Variants in RRBP1 observed in about 807,000 individuals in gnomAD.
RRBP1 encodes the protein ribosome-binding protein 1.
In RRBP1, 94 loss-of-function variants were observed where a neutral mutation model predicts 165.2. That is an observed-to-expected ratio of 0.57 (90% CI 0.48 to 0.68). RRBP1 has a LOEUF of 0.68. Among genes scored for constraint, RRBP1 ranks in the 30% least tolerant of loss-of-function variants. The probability of loss-of-function intolerance (pLI) is 0.00; values close to 1 mark genes in which losing one functional copy is unlikely to be tolerated. For synonymous variants in RRBP1, 680 were observed against 714.5 expected (o/e 0.95, Z 0.77); for missense variants, 1,676 against 1,763.0 (o/e 0.95, Z 0.88).
At chr20:17,674,277 G>A (rs1233898834) in intron 2 of RRBP1, among the ~76,000 whole-genome samples, 1 of 152,146 alleles carries the variant, frequency 6.6e-6, no homozygotes, top group African/African-American at 2.4e-5. Context: ...GGGGCTGGAC[G>A]TAGTATTGCC....
At chr20:17,617,700 G>C (rs1040498366) in intron 20 of RRBP1, among the ~76,000 whole-genome samples, 5 of 152,248 alleles carry the variant, frequency 3.3e-5, no homozygotes, top group African/African-American at 4.8e-5. Context: ...CTGCCCTCTG[G>C]TGTTCTGGTC....
At chr20:17,632,394 C>T (rs2036167420) in intron 8 of RRBP1, among the ~76,000 whole-genome samples, 2 of 152,190 alleles carry the variant, frequency 1.3e-5, no homozygotes, top group Admixed American at 1.3e-4. Context: ...CTTTAAAACA[C>T]AATCATGGGC....
intron 1 of RRBP1, among the ~76,000 whole-genome samples, chr20:17,681,344 G>A (rs1488410728): frequency 5.4e-5 from 8 of 148,108 alleles, no homozygotes; most frequent in Non-Finnish European, 1.2e-4. Flanking sequence ...CCGGGAAGTT[G>A]CCACCGCGGC....
intron 2 of RRBP1, among the ~76,000 whole-genome samples, chr20:17,662,217 C>A (rs768596500): frequency 3.3e-5 from 5 of 151,404 alleles, no homozygotes; most frequent in Non-Finnish European, 7.4e-5. Flanking sequence ...GAGCCAAGAT[C>A]GCGCCACTGC....
Position 17,616,729 on chromosome 20 carries a change from A to C in RRBP1, c.3867+3T>G. 1 of 1,602,662 alleles carries C rather than the reference A, an allele frequency of 6.2e-7. No homozygotes were observed. Among genetic ancestry groups the C allele is most frequent in the South Asian group, 1.1e-5 (1 of 90,622 alleles). ...TGTCTGGGGACCAGCTCACCGCCCT[A>C]ACCTGAACGGGGTCCTGCTCGGCTG... On this transcript the variant is annotated splice_donor_region_variant and intron_variant, in intron 21 of 24. Transcript: ENST00000377813.
intron 13 of RRBP1, among the ~76,000 whole-genome samples, chr20:17,622,654 A>G (rs148162450): frequency 1.3e-5 from 2 of 152,166 alleles, no homozygotes; most frequent in East Asian, 3.9e-4. Context: ...CACAACAAAG[A>G]TAAGGAAACA....
chr20:17,649,364 A>G (rs2122398058), intron 3 of RRBP1, among the ~76,000 whole-genome samples: 1 of 152,364 alleles, frequency 6.6e-6, no homozygotes, highest in Non-Finnish European at 1.5e-5. Context: ...GGTCATGTGC[A>G]TGACTTCTGG....
At position 17,659,664 on chromosome 20, in the gene RRBP1, C is replaced by T. The variant is rs765768545; in HGVS notation, c.844G>A (p.Val282Met). ...VDTTPNQGKKVEGAPTQGRKA... is the reference protein window; with the variant it reads ...VDTTPNQGKKMEGAPTQGRKA... The stretch of plus-strand genomic sequence containing the variant: ...CTGCCCTGGGTTGGGGCCCCCTCCA[C>T]CTTTTTCCCCTGGTTTGGGGTTGTA... The change falls in exon 3 of 25, where the codon GTG becomes ATG. Residue 282 changes from valine to methionine, a missense_variant. Coordinates refer to ENST00000377813, the MANE Select transcript of RRBP1 (RefSeq NM_001365613.2). 1.9e-6 allele frequency: 3 copies of T among 1,550,504 alleles called. No individual in the cohort carries two copies. Among genetic ancestry groups the T allele is most frequent in the South Asian group, 1.2e-5 (1 of 84,056 alleles).
chr20:17,621,538 A>T lies in RRBP1; in HGVS notation c.3334T>A (p.Ser1112Thr). The change falls in exon 16 of 25, where the codon TCC becomes ACC. Residue 1112 changes from serine (S) to threonine (T), a missense_variant. Transcript: ENST00000377813. ...GTCTCCTCGGCCTCCCTCAACTTGG[A>T]GGCCAGGTCCTGAGAGAGGGAAGAA... ...APAEPSSDLA[S>T]KLREAEETQS... 1 of 1,612,558 alleles carries T rather than the reference A, an allele frequency of 6.2e-7. No homozygotes were observed. The highest frequency in any genetic ancestry group is 1.1e-5 in the South Asian group (1 of 91,000).
Position 17,620,848 on chromosome 20 carries a change from G to A in RRBP1, c.3415-41C>T, listed in dbSNP as rs199838325. On this transcript the variant is annotated intron_variant, in intron 16 of 24. Transcript: ENST00000377813. The stretch of plus-strand genomic sequence containing the variant: ...GGTGAGGCAGGGCCCTCTCCCTCCC[G>A]AGACCCGCACCACACAACCGCATCT... 1.4e-3 allele frequency: 2,066 copies of A among 1,444,580 alleles called. 3 individuals are homozygous for A. The highest frequency in any genetic ancestry group is 1.8e-3 in the Non-Finnish European group (1,922 of 1,048,592). 89.5% of individuals were successfully genotyped at this position (1,444,580 alleles called of 1,614,324 possible).
intron 3 of RRBP1, among the ~76,000 whole-genome samples, chr20:17,655,231 A>C (rs576697525): frequency 6.6e-6 from 1 of 152,182 alleles, no homozygotes; most frequent in East Asian, 1.9e-4. Context: ...ACCAGGTCTC[A>C]CTATGTTGCC....
At chr20:17,666,453 T>A (rs771045147) in intron 2 of RRBP1, among the ~76,000 whole-genome samples, 12 of 152,196 alleles carry the variant, frequency 7.9e-5, no homozygotes, top group Non-Finnish European at 1.2e-4. Context: ...GTAAACTACT[T>A]CTTCTACTCC....
chr20:17,637,445 G>C (rs942744917), intron 5 of RRBP1, among the ~76,000 whole-genome samples: 2 of 152,098 alleles, frequency 1.3e-5, no homozygotes, highest in African/African-American at 4.8e-5. Flanking sequence ...GACACAATGA[G>C]CCCCTGGGGT....
chr20:17,616,419 A>G (rs938439225), intron 21 of RRBP1, among the ~76,000 whole-genome samples: 5 of 152,204 alleles, frequency 3.3e-5, no homozygotes, highest in Non-Finnish European at 7.3e-5. Context: ...AGTGGGAGAC[A>G]GTCCCCTTCG....
In RRBP1 at chr20:17,659,655, C is replaced by A. The variant is rs1436452294; in HGVS notation, c.853G>T (p.Ala285Ser). Residue 285 changes from alanine (A) to serine (S), a missense_variant, in exon 3 of 25, where the codon GCC becomes TCC. Transcript: ENST00000377813. ...TCGGCCTTTCTGCCCTGGGTTGGGGCCCCCTCCACCTTTTTCCCCTGGTTT... is the reference window on the plus strand; with the variant it reads ...TCGGCCTTTCTGCCCTGGGTTGGGGACCCCTCCACCTTTTTCCCCTGGTTT... ...TPNQGKKVEG[A>S]PTQGRKAEGA... 2 of 1,550,278 alleles carry A rather than the reference C, an allele frequency of 1.3e-6. No homozygotes were observed. The highest frequency in any genetic ancestry group is 2.0e-5 in the Admixed American group (1 of 50,986).
chr20:17,674,992 G>A (rs1465345697), intron 2 of RRBP1, among the ~76,000 whole-genome samples: 3 of 152,226 alleles, frequency 2.0e-5, no homozygotes, highest in African/African-American at 7.2e-5. Context: ...CAGAACTGGT[G>A]CAAGCACCTG....
intron 16 of RRBP1, among the ~76,000 whole-genome samples, chr20:17,621,187 C>G (rs781041733): frequency 7.2e-5 from 11 of 152,240 alleles, no homozygotes; most frequent in Non-Finnish European, 1.2e-4. Context: ...GGGGTTCAAC[C>G]TGGCAGTCAC....
chr20:17,630,383 C>T (rs761844043), intron 8 of RRBP1, among the ~76,000 whole-genome samples: 10 of 152,346 alleles, frequency 6.6e-5, no homozygotes, highest in Middle Eastern at 3.4e-3. Context: ...CACACACGCA[C>T]GGTGCACCAC....
chr20:17,636,461 T>C, intron 6 of RRBP1, 116 bp downstream of exon 6: 1 of 1,254,238 alleles, frequency 8.0e-7, no homozygotes, highest in East Asian at 2.3e-5. Flanking sequence ...CAGACCCCTG[T>C]GGGCATCCTC....
Sources: gnomAD v4.1 joint callset for allele counts (sites outside exome capture counted in the v4.1 genomes callset) on GRCh38, gnomAD v4.1.1 for gene constraint, MANE v1.5 for transcripts, NCBI Gene and HGNC (gene_info 2026-07-23, HGNC 2026-07-21) for gene names.